Variants in SLC22A12 observed in about 807,000 individuals in gnomAD.
SLC22A12 encodes solute carrier family 22 member 12, also known as organic anion transporter 4-like protein.
SLC22A12 carries 56 observed loss-of-function variants against 52.7 expected under a neutral mutation model. The observed-to-expected ratio is 1.06, with a 90% CI of 0.86 to 1.33. The LOEUF (loss-of-function observed/expected upper bound fraction) is 1.33, where lower values mean the gene tolerates loss of function less well. Ranked by LOEUF, SLC22A12 falls within the 40% of genes most tolerant of loss-of-function variation. The pLI is 0.00. For synonymous variants in SLC22A12, 337 were observed against 324.6 expected (o/e 1.04, Z -0.41); for missense variants, 683 against 741.5 (o/e 0.92, Z 0.92).
At chr11:64,595,737 G>C (rs2039158058) in intron 4 of SLC22A12, among the ~76,000 whole-genome samples, 1 of 150,872 alleles carries the variant, frequency 6.6e-6, no homozygotes, top group African/African-American at 2.4e-5. Context: ...TAGACGGATG[G>C]ATGGATGGTT....
At chr11:64,592,527 G>A (rs2038952083) in intron 1 of SLC22A12, among the ~76,000 whole-genome samples, 1 of 152,166 alleles carries the variant, frequency 6.6e-6, no homozygotes, top group Admixed American at 6.5e-5. Flanking sequence ...AGGGGCAGAT[G>A]TGGCTAGAGA....
chr11:64,592,075 C>T (rs2038936318), intron 1 of SLC22A12, 117 bp downstream of exon 1: 1 of 1,466,902 alleles, frequency 6.8e-7, no homozygotes, highest in South Asian at 1.3e-5. Context: ...AGGCCCCACT[C>T]ACTCTCGAGC....
At position 64,593,458 on chromosome 11, in the gene SLC22A12, G is replaced by C; in HGVS notation, c.560G>C (p.Gly187Ala). The change falls in exon 3 of 10, where the codon GGT (glycine) becomes GCT (alanine). Residue 187 changes from glycine (G) to alanine (A), a missense_variant. Transcript: ENST00000377574. ...AGCTACCTTCAGATGGCTGTGATGG[G>C]TACGGCAGCTGCCTTCGCCCCTGCC... ...TWSYLQMAVM[G>A]TAAAFAPAFP... 1 of 1,614,124 alleles carries C rather than the reference G, an allele frequency of 6.2e-7. No individual in the cohort carries two copies. The highest frequency in any genetic ancestry group is 8.5e-7 in the Non-Finnish European group (1 of 1,180,048).
rs555301419 is a variant in SLC22A12, at chr11:64,601,791, C to T, written c.*240C>T. 283 of 511,406 alleles carry T rather than the reference C, an allele frequency of 5.5e-4. No individual in the cohort carries two copies. The highest frequency in any genetic ancestry group is 8.5e-4 in the Non-Finnish European group (238 of 281,064). The allele number at this position is 511,406 out of a possible 1,614,324, so 31.7% of individuals were successfully genotyped here. The stretch of plus-strand genomic sequence containing the variant: ...ATTGGCAGGAGGTGACCCAGTGCAC[C>T]ATCACCCTGCCCTGCCCTCGTGGCT... On this transcript the variant is annotated 3_prime_UTR_variant, in exon 10 of 10. Coordinates refer to ENST00000377574, the MANE Select transcript of SLC22A12 (RefSeq NM_144585.4).
chr11:64,598,366 G>T, intron 4 of SLC22A12, 150 bp from the exon 5 acceptor site: 9 of 1,075,416 alleles, frequency 8.4e-6, no homozygotes, highest in Non-Finnish European at 9.7e-6. Flanking sequence ...GTGCCCAAGA[G>T]GGCTTGGCTG....
chr11:64,596,904 TGAA>T (rs2039265152), intron 4 of SLC22A12, among the ~76,000 whole-genome samples: 1 of 152,178 alleles, frequency 6.6e-6, no homozygotes, highest in Non-Finnish European at 1.5e-5. Flanking sequence ...CCCACAGGGC[TGAA>T]GAAGTGCCCA....
chr11:64,600,255 C>T, intron 7 of SLC22A12, 112 bp from the exon 8 acceptor site: 1 of 882,218 alleles, frequency 1.1e-6, no homozygotes, highest in Non-Finnish European at 1.8e-6. Flanking sequence ...AGATGACTCC[C>T]AAACATTTAC....
chr11:64,591,616 G>A lies in SLC22A12; in HGVS notation c.60G>A (p.Gln20=). The change falls in exon 1 of 10, where the codon CAG becomes CAA. Residue 20 remains glutamine, a synonymous_variant. Transcript: ENST00000377574. The part of the protein sequence containing the change: ...VGGLGRFQVL[Q]TMALMVSIMW... ...GCCTGGGCAGGTTCCAGGTTCTCCA[G>A]ACGATGGCTCTGATGGTCTCCATCA... 1 of 1,613,266 alleles carries A rather than the reference G, an allele frequency of 6.2e-7. No individual in the cohort carries two copies. Among genetic ancestry groups the A allele is most frequent in the Non-Finnish European group, 8.5e-7 (1 of 1,180,022 alleles).
intron 4 of SLC22A12, among the ~76,000 whole-genome samples, chr11:64,594,739 G>A (rs923373810): frequency 1.2e-4 from 17 of 137,518 alleles, no homozygotes; most frequent in South Asian, 2.6e-4. Context: ...ACAGACGGAC[G>A]GACGGTTGGA....
In SLC22A12 at chr11:64,600,846, G is replaced by T; in HGVS notation, c.1506G>T (p.Gly502=). ...CCTGGCTGCCCTTGCTGGTGTATGGGACGGTGCCAGTGCTGAGTGGCCTGG... is the reference window on the plus strand; with the variant it reads ...CCTGGCTGCCCTTGCTGGTGTATGGTACGGTGCCAGTGCTGAGTGGCCTGG... The part of the protein sequence containing the change: ...HGPWLPLLVY[G]TVPVLSGLAA... The change falls in exon 9 of 10, where the codon GGG becomes GGT. Residue 502 remains glycine, a synonymous_variant. Coordinates refer to ENST00000377574, the MANE Select transcript of SLC22A12 (RefSeq NM_144585.4). 6.2e-7 allele frequency: 1 copy of T among 1,608,450 alleles called. No homozygotes were observed.
In SLC22A12 at chr11:64,598,935, TC is replaced by T. The variant is rs1418317135; in HGVS notation, c.1070+17del. On this transcript the variant is annotated intron_variant, in intron 6 of 9. Transcript: ENST00000377574. The stretch of plus-strand genomic sequence containing the variant: ...TCCACGTTGTGCTGGTAGATGCCCT[TC>T]CCCCAACCCCACCTCCACAGGGGAA... The T allele has an allele frequency of 1.9e-6, 3 of 1,611,896 alleles. No individual in the cohort carries two copies. Among genetic ancestry groups the T allele is most frequent in the East Asian group, 4.5e-5 (2 of 44,856 alleles).
rs2039328341 is a variant in SLC22A12 at position 64,598,532 on chromosome 11, G to A, written c.847G>A (p.Ala283Thr). ...FLYSWWLAES[A>T]RWLLTTGRLD... ...CCACTTAAGGTGGCTGGCAGAGTCG[G>A]CACGATGGCTCCTCACCACAGGCAG... Residue 283 changes from alanine (A) to threonine (T), a missense_variant, in exon 5 of 10, where the codon GCA (alanine) becomes ACA (threonine). Transcript: ENST00000377574. The A allele has an allele frequency of 1.3e-6, 2 of 1,587,858 alleles. No homozygotes were observed. The highest frequency in any genetic ancestry group is 1.3e-5 in the African/African-American group (1 of 74,562).
In SLC22A12 at chr11:64,599,891, G is replaced by A. The variant is rs1218977227; in HGVS notation, c.1285+1G>A. The A allele has an allele frequency of 5.0e-6, 8 of 1,611,988 alleles. No individual in the cohort carries two copies. The highest frequency in any genetic ancestry group is 1.7e-5 in the Admixed American group (1 of 59,896). On this transcript the variant is annotated splice_donor_variant, in intron 7 of 9. Coordinates refer to ENST00000377574, the MANE Select transcript of SLC22A12 (RefSeq NM_144585.4). LOFTEE classifies it high-confidence loss of function. ...CTGGCCAACACGCTGGTGCCCCACG[G>A]TGAGGGGGCAAAGCTGTACACCAGA...
chr11:64,600,473 C>A lies in SLC22A12; in HGVS notation c.1392C>A (p.Leu464=). ...GCAGCGAGCTCTTCCCCACTGTGCTCAGGTGAGGCTGGGCCTGGGCTCCAG... is the reference window on the plus strand; with the variant it reads ...GCAGCGAGCTCTTCCCCACTGTGCTAAGGTGAGGCTGGGCCTGGGCTCCAG... ...IYSSELFPTV[L]RMTAVGLGQM... Residue 464 remains leucine, a splice_region_variant and synonymous_variant, in exon 8 of 10, where the codon CTC becomes CTA. Transcript: ENST00000377574. 1 of 1,599,228 alleles carries A rather than the reference C, an allele frequency of 6.3e-7. No individual in the cohort carries two copies.
chr11:64,595,674 AGATGGATGGATGGATGGTTGGAATAGATG>A (rs2039152785), intron 4 of SLC22A12, among the ~76,000 whole-genome samples: 2 of 120,278 alleles, frequency 1.7e-5, no homozygotes, highest in Non-Finnish European at 3.4e-5. Context: ...TGGTTGTAAT[AGATGGATGGATGGATGGTTGGAATAGATG>A]GATGGATGGA....
At chr11:64,598,733 C>A (rs1015592615) in intron 5 of SLC22A12, 75 bp from the exon 6 acceptor site, 5 of 1,606,010 alleles carry the variant, frequency 3.1e-6, no homozygotes, top group Non-Finnish European at 3.4e-6. Flanking sequence ...CCTCAGCTCC[C>A]TGGGAAGAAG....
Position 64,599,708 on chromosome 11 carries a change from C to A in SLC22A12, c.1103C>A (p.Ala368Asp). Residue 368 changes from alanine to aspartate, a missense_variant, in exon 7 of 10, where the codon GCC becomes GAC. Ala to Asp is a moderately radical substitution (Grantham distance 126, BLOSUM62 -2). Coordinates refer to ENST00000377574, the MANE Select transcript of SLC22A12 (RefSeq NM_144585.4). ...FAFGFTFFGL[A>D]LDLQALGSNI... ...TTTGGCTTCACCTTCTTCGGCCTGG[C>A]CCTGGACCTGCAGGCCCTGGGCAGC... is the stretch of plus-strand genomic sequence containing the variant. 6.3e-7 allele frequency: 1 copy of A among 1,592,606 alleles called. No homozygotes were observed. The highest frequency in any genetic ancestry group is 8.6e-7 in the Non-Finnish European group (1 of 1,167,662).
chr11:64,596,974 G>A (rs1166908969), intron 4 of SLC22A12, among the ~76,000 whole-genome samples: 1 of 152,152 alleles, frequency 6.6e-6, no homozygotes, highest in African/African-American at 2.4e-5. Context: ...CCTACCATGT[G>A]CCAGGCGCTG....
intron 4 of SLC22A12, among the ~76,000 whole-genome samples, chr11:64,595,800 A>G (rs1465953537): frequency 2.3e-5 from 3 of 127,804 alleles, no homozygotes; most frequent in Non-Finnish European, 4.8e-5. Flanking sequence ...GGATGGATAG[A>G]TGATTGGAAT....
Sources: allele counts gnomAD v4.1 joint callset (sites outside exome capture counted in the v4.1 genomes callset), GRCh38; gene constraint gnomAD v4.1.1; transcripts MANE v1.5; gene names NCBI Gene and HGNC (gene_info 2026-07-23, HGNC 2026-07-21).